THSD7A: variants seen among roughly 807,000 people sequenced by gnomAD.
The protein encoded by THSD7A is thrombospondin type-1 domain-containing protein 7A.
THSD7A carries 96 observed loss-of-function variants against 231.3 expected under a neutral mutation model. That is an observed-to-expected ratio of 0.41 (90% CI 0.35 to 0.49). The LOEUF is 0.49. Among genes scored for constraint, THSD7A ranks in the 20% least tolerant of loss-of-function variants. The probability of loss-of-function intolerance (pLI) is 0.05; values close to 1 mark genes in which losing one functional copy is unlikely to be tolerated. For missense variants in THSD7A, 2,290 were observed against 2,070.2 expected, an observed-to-expected ratio of 1.11 and a Z score of -2.06; for synonymous variants, 940 against 743.3, an observed-to-expected ratio of 1.26 and a Z score of -4.30.
In THSD7A at chr7:11,588,048, C is replaced by T. The variant is rs990840090; in HGVS notation, c.1453+2412G>A. Among the ~76,000 whole-genome samples the T allele has an allele frequency of 3.3e-5, 5 of 152,166 alleles. No homozygotes were observed. The South Asian group carries it at 1.0e-3, about 32-fold the overall frequency. On this transcript the variant is annotated intron_variant, in intron 4 of 27. Coordinates refer to ENST00000423059, the MANE Select transcript of THSD7A (RefSeq NM_015204.3). ...TCATAGTACAGGTTGTTCATGGTTACACAGTCATGGATTCTTGAAATGAGT... is the reference window on the plus strand; with the variant it reads ...TCATAGTACAGGTTGTTCATGGTTATACAGTCATGGATTCTTGAAATGAGT...
chr7:11,393,099 C>T (rs546870413), intron 23 of THSD7A, among the ~76,000 whole-genome samples: 85 of 152,308 alleles, frequency 5.6e-4, no homozygotes, highest in African/African-American at 1.9e-3. Flanking sequence ...CTGGGAGATA[C>T]CTCTCAGCAG....
rs1252178246 is a variant in THSD7A, at chr7:11,371,648, G to C, written c.*4146C>G. ...AAGTACAGTCCTCCCTCACTGTCTT[G>C]TGGTGTGGAATGTGAACAAAGACTC... On this transcript the variant is annotated 3_prime_UTR_variant, in exon 28 of 28. Transcript: ENST00000423059. 6.6e-6 allele frequency: 1 copy of C among 151,994 alleles called. No homozygotes were observed. Among genetic ancestry groups the C allele is most frequent in the Non-Finnish European group, 1.5e-5 (1 of 68,040 alleles). 9.4% of individuals were successfully genotyped at this position (151,994 alleles called of 1,614,324 possible). A position where few individuals can be genotyped will look rare whatever the true frequency, so the allele number is the denominator to read the frequency against.
chr7:11,389,589 G>A (rs1782902897), intron 23 of THSD7A, among the ~76,000 whole-genome samples: 1 of 151,926 alleles, frequency 6.6e-6, no homozygotes, highest in East Asian at 1.9e-4. Flanking sequence ...GCCAGTCTGT[G>A]TCTTTTAACT....
At chr7:11,734,176 T>G (rs1411259453) in intron 1 of THSD7A, among the ~76,000 whole-genome samples, 1 of 151,944 alleles carries the variant, frequency 6.6e-6, no homozygotes, top group Non-Finnish European at 1.5e-5. Context: ...TTTCTAGTGT[T>G]ATTTCTGTAG....
chr7:11,643,559 ATG>A (rs1584135562), intron 1 of THSD7A, among the ~76,000 whole-genome samples: 1 of 151,252 alleles, frequency 6.6e-6, no homozygotes, highest in Admixed American at 6.6e-5. Flanking sequence ...TTACTTCATA[ATG>A]TGCTATAATT....
chr7:11,466,697 A>G (rs1250499117), intron 9 of THSD7A, among the ~76,000 whole-genome samples: 1 of 152,098 alleles, frequency 6.6e-6, no homozygotes, highest in East Asian at 1.9e-4. Flanking sequence ...GCTCCGGATG[A>G]CATGACCTGT....
intron 2 of THSD7A, among the ~76,000 whole-genome samples, chr7:11,620,828 A>G (rs1489839792): frequency 6.6e-6 from 1 of 152,192 alleles, no homozygotes. Flanking sequence ...GTACTTTTCC[A>G]TCAGGCACTC....
At chr7:11,558,094 C>T (rs1009721788) in intron 4 of THSD7A, among the ~76,000 whole-genome samples, 2 of 152,024 alleles carry the variant, frequency 1.3e-5, no homozygotes, top group Non-Finnish European at 2.9e-5. Context: ...CTGATGTTTC[C>T]GTGTTGTTGG....
At chr7:11,639,323 T>C (rs904343177) in intron 1 of THSD7A, among the ~76,000 whole-genome samples, 2 of 152,132 alleles carry the variant, frequency 1.3e-5, no homozygotes, top group Non-Finnish European at 2.9e-5. Context: ...CTTATAAGGG[T>C]GTCACTTAAA....
intron 1 of THSD7A, among the ~76,000 whole-genome samples, chr7:11,641,821 C>G (rs543420588): frequency 6.6e-6 from 1 of 151,884 alleles, no homozygotes; most frequent in South Asian, 2.1e-4. Context: ...TTTAACTGCC[C>G]TTATCTTTTC....
chr7:11,704,627 C>G (rs1320291280), intron 1 of THSD7A, among the ~76,000 whole-genome samples: 1 of 150,896 alleles, frequency 6.6e-6, no homozygotes, highest in Non-Finnish European at 1.5e-5. Flanking sequence ...GAGAATATTT[C>G]TATTGATCTT....
intron 4 of THSD7A, among the ~76,000 whole-genome samples, chr7:11,547,176 A>C (rs1043991601): frequency 6.6e-6 from 1 of 152,210 alleles, no homozygotes; most frequent in Non-Finnish European, 1.5e-5. Context: ...GAAATGAAAG[A>C]CTGTTACTGA....
chr7:11,608,316 C>T (rs910164818), intron 2 of THSD7A, among the ~76,000 whole-genome samples: 12 of 152,008 alleles, frequency 7.9e-5, no homozygotes, highest in African/African-American at 2.9e-4. Flanking sequence ...GAAAGGTAAC[C>T]AAAAGATGTT....
chr7:11,544,340 GAAAAA>G (rs955199787), intron 4 of THSD7A, among the ~76,000 whole-genome samples: 2 of 145,434 alleles, frequency 1.4e-5, no homozygotes, highest in African/African-American at 2.5e-5. Flanking sequence ...GACACAGTCG[GAAAAA>G]AAAAAAGTCA....
At chr7:11,490,068 T>C (rs1335815724) in intron 6 of THSD7A, among the ~76,000 whole-genome samples, 4 of 152,084 alleles carry the variant, frequency 2.6e-5, no homozygotes, top group African/African-American at 9.7e-5. Context: ...ATCTCAAGTT[T>C]CTGTTCATAT....
At chr7:11,426,996 A>G (rs922051929) in intron 14 of THSD7A, among the ~76,000 whole-genome samples, 1 of 152,232 alleles carries the variant, frequency 6.6e-6, no homozygotes, top group East Asian at 1.9e-4. Context: ...ATATGATGCA[A>G]ATAACTTGTG....
intron 1 of THSD7A, among the ~76,000 whole-genome samples, chr7:11,756,908 A>G (rs540653420): frequency 1.2e-4 from 19 of 152,156 alleles, no homozygotes; most frequent in African/African-American, 4.6e-4. Context: ...ATTATTTTTA[A>G]GGAAATAACA....
At chr7:11,788,337 C>T (rs1783851330) in intron 1 of THSD7A, among the ~76,000 whole-genome samples, 1 of 151,936 alleles carries the variant, frequency 6.6e-6, no homozygotes, top group South Asian at 2.1e-4. Context: ...ACTGTTTTGC[C>T]ACTGTCTAAT....
intron 13 of THSD7A, among the ~76,000 whole-genome samples, chr7:11,437,727 G>A (rs1029703792): frequency 5.9e-5 from 9 of 151,930 alleles, no homozygotes; most frequent in Admixed American, 6.6e-5. Context: ...CCTCAAATAC[G>A]AGTATCCACT....
Sources: allele counts gnomAD v4.1 joint callset (sites outside exome capture counted in the v4.1 genomes callset), GRCh38; gene constraint gnomAD v4.1.1; transcripts MANE v1.5; gene names NCBI Gene and HGNC (gene_info 2026-07-23, HGNC 2026-07-21).